GCC2: variants seen among roughly 807,000 people sequenced by gnomAD.
The protein encoded by GCC2 is GRIP and coiled-coil domain-containing protein 2.
GCC2 carries 120 observed loss-of-function variants against 210.6 expected under a neutral mutation model. The ratio of observed to expected loss-of-function variants is 0.57; its 90% CI spans 0.49 to 0.66. The LOEUF (loss-of-function observed/expected upper bound fraction) is 0.66, where lower values mean the gene tolerates loss of function less well. GCC2 is among the 30% of genes least tolerant of loss of function. The pLI is 0.00. For missense variants in GCC2, 1,868 were observed against 1,871.9 expected (o/e 1.00, Z 0.04); for synonymous variants, 703 against 652.7 (o/e 1.08, Z -1.17).
intron 1 of GCC2, 92 bp from the exon 2 acceptor site, chr2:108,449,541 A>T: frequency 7.3e-7 from 1 of 1,369,080 alleles, no homozygotes; most frequent in Admixed American, 1.7e-5. Context: ...ACTTGATTCC[A>T]TAGAAGGTTT....
At chr2:108,469,445 G>C (rs1473817250) in intron 5 of GCC2, 1 of 486,430 alleles carries the variant, frequency 2.1e-6, no homozygotes, top group Non-Finnish European at 3.6e-6. Flanking sequence ...TTGAGTAATA[G>C]ATTTAATATT....
chr2:108,471,343 C>A lies in GCC2; in HGVS notation c.2014C>A (p.Gln672Lys). Residue 672 changes from glutamine (Q) to lysine (K), a missense_variant, in exon 6 of 23, where the codon CAA becomes AAA. By Grantham distance (53) the Gln-to-Lys change is moderately conservative. Around this residue, in one of 3 missense-constraint regions of GCC2, gnomAD observed 1,847 missense variants for 1,765.2 expected, o/e 1.05. Transcript: ENST00000309863. Reference protein sequence around the residue: ...NDQKLEKLMVQMKVLSEDKEV... With the variant: ...NDQKLEKLMVKMKVLSEDKEV... Reference sequence around the variant, plus strand: ...CCAAAAACTAGAAAAACTTATGGTTCAAATGAAAGTTCTCTCTGAAGACAA... The same window carrying A: ...CCAAAAACTAGAAAAACTTATGGTTAAAATGAAAGTTCTCTCTGAAGACAA... The A allele has an allele frequency of 1.9e-6, 3 of 1,611,602 alleles. No homozygotes were observed. Among genetic ancestry groups the A allele is most frequent in the South Asian group, 1.1e-5 (1 of 90,490 alleles).
At chr2:108,453,099 T>G (rs1350025185) in intron 4 of GCC2, among the ~76,000 whole-genome samples, 1 of 152,240 alleles carries the variant, frequency 6.6e-6, no homozygotes, top group African/African-American at 2.4e-5. Context: ...GTATATAATC[T>G]ATAGATAGAT....
chr2:108,499,142 G>A (rs1029218518), intron 21 of GCC2, among the ~76,000 whole-genome samples: 8 of 145,220 alleles, frequency 5.5e-5, no homozygotes, highest in African/African-American at 2.0e-4. Flanking sequence ...TCTGTTTCTC[G>A]TGAGAATTTC....
chr2:108,451,110 CAGGTATTGGGTTGAAAAT>C lies in GCC2; in HGVS notation c.148_148+17del. ...ATACAGAAAGCTAAATCAAGGTGTA[CAGGTATTGGGTTGAAAAT>C]ACTCATCTTGATCACAGTCTCTTTA... is the stretch of plus-strand genomic sequence containing the variant. On this transcript the variant is annotated splice_donor_variant and splice_donor_5th_base_variant and coding_sequence_variant and intron_variant, in exon 3 of 23. Coordinates refer to ENST00000309863, the MANE Select transcript of GCC2 (RefSeq NM_181453.4). LOFTEE classifies it high-confidence loss of function. 6.3e-7 allele frequency: 1 copy of C among 1,585,074 alleles called. No homozygotes were observed. The highest frequency in any genetic ancestry group is 8.7e-7 in the Non-Finnish European group (1 of 1,154,156).
At chr2:108,493,407 G>C (rs1682501623) in intron 19 of GCC2, 3 of 977,530 alleles carry the variant, frequency 3.1e-6, no homozygotes, top group South Asian at 9.3e-5. Context: ...CTTAATTCTA[G>C]TATTCACCAG....
At chr2:108,464,578 G>A (rs1435585483) in intron 4 of GCC2, among the ~76,000 whole-genome samples, 1 of 152,168 alleles carries the variant, frequency 6.6e-6, no homozygotes, top group Non-Finnish European at 1.5e-5. Context: ...GTGGACAGCT[G>A]AGAGTCTCTC....
chr2:108,469,430 C>T (rs1187518716), intron 5 of GCC2: 7 of 466,204 alleles, frequency 1.5e-5, no homozygotes, highest in Admixed American at 3.9e-5. Flanking sequence ...TAGGTCTGGG[C>T]TAATTTGAGT....
At chr2:108,489,442 G>A (rs1370148113) in intron 17 of GCC2, among the ~76,000 whole-genome samples, 1 of 151,970 alleles carries the variant, frequency 6.6e-6, no homozygotes, top group African/African-American at 2.4e-5. Context: ...TTGAACCTGG[G>A]AGGCGGAAGC....
chr2:108,478,409 G>A (rs1053810892), intron 9 of GCC2, among the ~76,000 whole-genome samples: 1 of 152,166 alleles, frequency 6.6e-6, no homozygotes, highest in Non-Finnish European at 1.5e-5. Context: ...AGGTTCTTCA[G>A]GATGCATCAT....
chr2:108,500,431 C>G (rs1254506082), intron 22 of GCC2, among the ~76,000 whole-genome samples: 1 of 152,154 alleles, frequency 6.6e-6, no homozygotes, highest in Non-Finnish European at 1.5e-5. Flanking sequence ...GAGAATTGCT[C>G]AAATCCAGGA....
At chr2:108,452,303 G>T (rs1325093625) in intron 3 of GCC2, 96 bp from the exon 4 acceptor site, 2 of 753,394 alleles carry the variant, frequency 2.7e-6, no homozygotes, top group Non-Finnish European at 4.8e-6. Flanking sequence ...CTAATTTGCA[G>T]ATTTATGGGG....
chr2:108,449,795 A>G, intron 2 of GCC2, 106 bp downstream of exon 2: 1 of 798,334 alleles, frequency 1.3e-6, no homozygotes. Flanking sequence ...TTTTTTTAAT[A>G]GCCTTGCTCC....
chr2:108,498,183 C>CT (rs3084885), intron 21 of GCC2, among the ~76,000 whole-genome samples: 1,524 of 57,556 alleles, frequency 0.026, 315 homozygotes, highest in Non-Finnish European at 0.033. Flanking sequence ...GTTATATTTT[C>CT]TTTTTTTTTT....
intron 18 of GCC2, chr2:108,490,275 C>T (rs1253636276): frequency 9.8e-6 from 3 of 304,994 alleles, no homozygotes; most frequent in Non-Finnish European, 1.8e-5. Context: ...TAGGATGTTT[C>T]TCTAAAAAAA....
chr2:108,449,902 G>A, intron 2 of GCC2: 1 of 565,932 alleles, frequency 1.8e-6, no homozygotes, highest in South Asian at 2.2e-5. Flanking sequence ...CCTGCTCCTG[G>A]TTAGCACTGC....
chr2:108,485,220 T>C (rs1398812492), intron 13 of GCC2, among the ~76,000 whole-genome samples: 1 of 151,130 alleles, frequency 6.6e-6, no homozygotes, highest in African/African-American at 2.4e-5. Flanking sequence ...TACCTAATGC[T>C]AGATGACGAG....
In GCC2 at chr2:108,487,052, G is replaced by GAT. The variant is rs1682175476; in HGVS notation, c.3930+404_3930+405insAT. On this transcript the variant is annotated intron_variant, in intron 16 of 22. Transcript: ENST00000309863. ...CAGTGCAGTGGTTGTGTTAGATGCA[G>GAT]GTCTTATTTAAGCAATCCTGGCAAC... 2.0e-5 allele frequency among the ~76,000 whole-genome samples: 3 copies of GAT among 152,248 alleles called. No individual in the cohort carries two copies. The South Asian group carries it at 6.2e-4, about 32-fold the overall frequency.
intron 4 of GCC2, among the ~76,000 whole-genome samples, chr2:108,465,959 G>A (rs1341277449): frequency 6.6e-6 from 1 of 152,062 alleles, no homozygotes; most frequent in Non-Finnish European, 1.5e-5. Context: ...GGTTCAAGCT[G>A]TTCTCCCTCA....
Sources: allele counts gnomAD v4.1 joint callset (sites outside exome capture counted in the v4.1 genomes callset), GRCh38; gene constraint gnomAD v4.1.1; regional missense constraint gnomAD v4.1.1; transcripts MANE v1.5; gene names NCBI Gene and HGNC (gene_info 2026-07-23, HGNC 2026-07-21).